The following TENM1 variants were observed in gnomAD, a reference collection of about 807,000 sequenced individuals.
The protein encoded by TENM1 is teneurin-1.
TENM1 carries 35 observed loss-of-function variants against 174.8 expected under a neutral mutation model. That is an observed-to-expected ratio of 0.20 (90% CI 0.15 to 0.27). The LOEUF is 0.27. TENM1 is among the 10% of genes least tolerant of loss of function. The probability of loss-of-function intolerance (pLI) is 1.00; values close to 1 mark genes in which losing one functional copy is unlikely to be tolerated. For missense variants in TENM1, 1,633 were observed against 2,130.1 expected (o/e 0.77, Z 4.59); for synonymous variants, 781 against 798.7 (o/e 0.98, Z 0.37).
At position 124,828,142 on chromosome X, in the gene TENM1, G is replaced by A. The variant is rs1015804366; in HGVS notation, c.535+66154C>T. 3.6e-5 allele frequency among the ~76,000 whole-genome samples: 4 copies of A among 111,751 alleles called. No individual in the cohort carries two copies. The East Asian group carries it at 1.1e-3, about 31-fold the overall frequency. On this transcript the variant is annotated intron_variant, in intron 3 of 31. Coordinates refer to ENST00000422452, the Ensembl canonical transcript of TENM1. ...TGAATATAAAAAAATTTAAAAACAG[G>A]TTTTAACAAACATTTACAGTTTTTC... is the stretch of plus-strand genomic sequence containing the variant.
chrX:124,904,001 T>C (rs979962559), intron 1 of TENM1, among the ~76,000 whole-genome samples: 13 of 111,547 alleles, frequency 1.2e-4, no homozygotes, highest in African/African-American at 3.6e-4. Flanking sequence ...CTTCCAGGTA[T>C]ACTTGTGTAT....
the TENM1 span, among the ~76,000 whole-genome samples, chrX:125,161,377 G>GT: frequency 2.1e-3 from 231 of 110,918 alleles, no homozygotes; most frequent in Non-Finnish European, 3.1e-3. Context: ...TATTTTTACT[G>GT]TTTTTTTTCT....
intron 3 of TENM1, among the ~76,000 whole-genome samples, chrX:124,874,806 G>A (rs2057169899): frequency 9.0e-6 from 1 of 110,921 alleles, no homozygotes; most frequent in Admixed American, 9.7e-5. Context: ...ATGCCTTCCA[G>A]ACTTATTTGA....
intron 4 of TENM1, among the ~76,000 whole-genome samples, chrX:124,727,561 C>G (rs1217929323): frequency 3.6e-5 from 4 of 111,592 alleles, no homozygotes; most frequent in Non-Finnish European, 7.5e-5. Flanking sequence ...TGCTCTGCAG[C>G]AAGGGGGCTG....
intron 11 of TENM1, among the ~76,000 whole-genome samples, chrX:124,607,011 TGGAGGAGGACAA>T (rs2050175096): frequency 9.2e-6 from 1 of 108,987 alleles, no homozygotes; most frequent in African/African-American, 3.3e-5. Flanking sequence ...GAGGAAGATG[TGGAGGAGGACAA>T]GGAGGAGGAG....
chrX:125,046,550 A>G, the TENM1 span, among the ~76,000 whole-genome samples: 5 of 112,325 alleles, frequency 4.5e-5, no homozygotes, highest in African/African-American at 1.3e-4. Flanking sequence ...AAATGGGCCA[A>G]TGATGTTTTC....
At chrX:124,424,009 G>A (rs1359198839) in intron 23 of TENM1, among the ~76,000 whole-genome samples, 2 of 112,191 alleles carry the variant, frequency 1.8e-5, no homozygotes, top group Non-Finnish European at 3.8e-5. Flanking sequence ...ACAGAGGGAT[G>A]ACTATATGAG....
rs375550168 is a variant in TENM1 at position 124,672,891 on chromosome X, GA to G, written c.1016-1057del. 1.4e-4 allele frequency among the ~76,000 whole-genome samples: 16 copies of G among 111,547 alleles called. No individual in the cohort carries two copies. The South Asian group carries it at 1.9e-3, about 13-fold the overall frequency. On this transcript the variant is annotated intron_variant, in intron 5 of 31. Transcript: ENST00000422452. The stretch of plus-strand genomic sequence containing the variant: ...ATGTGTGCACATGTTCATGTCTGGA[GA>G]AAAAAAGGTTTGGAAGAATATATAG...
chrX:124,605,174 C>T (rs1045629888), intron 11 of TENM1, among the ~76,000 whole-genome samples: 1 of 101,039 alleles, frequency 9.9e-6, no homozygotes, highest in Non-Finnish European at 2.0e-5. Flanking sequence ...GGAAAATTGG[C>T]CTTTAATATC....
chrX:124,617,444 G>A (rs758504733), intron 11 of TENM1, among the ~76,000 whole-genome samples: 1 of 111,905 alleles, frequency 8.9e-6, no homozygotes, highest in East Asian at 2.8e-4. Flanking sequence ...AACACAAAGA[G>A]GAAAGGGGGC....
intron 11 of TENM1, among the ~76,000 whole-genome samples, chrX:124,585,821 T>C (rs965113364): frequency 5.4e-5 from 6 of 110,790 alleles, no homozygotes; most frequent in Non-Finnish European, 9.4e-5. Context: ...GACAGAATAA[T>C]CAAATATACG....
intron 5 of TENM1, among the ~76,000 whole-genome samples, chrX:124,673,277 G>C (rs1011091858): frequency 8.9e-6 from 1 of 111,821 alleles, no homozygotes; most frequent in African/African-American, 3.3e-5. Context: ...GCCAGTGGAA[G>C]TTAACGCCAG....
chrX:124,955,802 C>A (rs1182016163), intron 1 of TENM1, among the ~76,000 whole-genome samples: 1 of 107,579 alleles, frequency 9.3e-6, no homozygotes, highest in Admixed American at 1.0e-4. Context: ...CGCACGCACA[C>A]ACACACACAC....
At chrX:124,808,502 C>T (rs1192856796) in intron 3 of TENM1, among the ~76,000 whole-genome samples, 2 of 112,043 alleles carry the variant, frequency 1.8e-5, no homozygotes, top group Non-Finnish European at 3.8e-5. Context: ...ATATTTAGAA[C>T]ATTTCATCTG....
At chrX:124,412,237 C>T (rs1208604475) in intron 25 of TENM1, 1 of 112,935 alleles carries the variant, frequency 8.9e-6, no homozygotes, top group Non-Finnish European at 1.9e-5. Context: ...TGCATGTGCA[C>T]TTGAGTGAGT....
intron 3 of TENM1, among the ~76,000 whole-genome samples, chrX:124,795,270 A>G (rs1001191148): frequency 8.9e-6 from 1 of 111,936 alleles, no homozygotes; most frequent in Non-Finnish European, 1.9e-5. Context: ...CAAGCCTAGC[A>G]TGTTGTAGGT....
At chrX:125,011,369 A>G in the TENM1 span, among the ~76,000 whole-genome samples, 2 of 112,165 alleles carry the variant, frequency 1.8e-5, no homozygotes, top group Non-Finnish European at 3.8e-5. Flanking sequence ...GCACAGCAAA[A>G]GAAACTATCA....
the TENM1 span, among the ~76,000 whole-genome samples, chrX:125,033,512 C>T: frequency 9.0e-6 from 1 of 111,568 alleles, no homozygotes; most frequent in Non-Finnish European, 1.9e-5. Flanking sequence ...CCTGCTAAAC[C>T]TCTTGAGGGG....
chrX:125,150,274 C>G, the TENM1 span, among the ~76,000 whole-genome samples: 1 of 111,578 alleles, frequency 9.0e-6, no homozygotes, highest in Non-Finnish European at 1.9e-5. Context: ...CTAAATAGAC[C>G]TAATATATTG....
Sources: allele counts gnomAD v4.1 joint callset (sites outside exome capture counted in the v4.1 genomes callset), GRCh38; gene constraint gnomAD v4.1.1; transcripts MANE v1.5; gene names NCBI Gene and HGNC (gene_info 2026-07-23, HGNC 2026-07-21).